The following CMA1 variants were observed in gnomAD, a reference collection of about 807,000 sequenced individuals.
CMA1 encodes the protein chymase.
A neutral mutation model predicts 18.8 loss-of-function variants in CMA1; 24 were observed. The observed-to-expected ratio is 1.28, with a 90% CI of 0.92 to 1.80. CMA1 has a LOEUF of 1.80. Among genes scored for constraint, CMA1 ranks in the 40% most tolerant of loss-of-function variants. CMA1 has a pLI of 0.00. For synonymous variants in CMA1, 152 were observed against 117.0 expected (o/e 1.30, Z -1.93); for missense variants, 421 against 302.8 (o/e 1.39, Z -2.90).
At chr14:24,508,019 TG>T (rs2043873653) in intron 1 of CMA1, 158 bp downstream of exon 1, 2 of 446,116 alleles carry the variant, frequency 4.5e-6, no homozygotes, top group Non-Finnish European at 7.6e-6. Flanking sequence ...TGGGTGGGGG[TG>T]GGGGTGGGGT....
chr14:24,507,330 G>A, intron 2 of CMA1, 26 bp downstream of exon 2: 1 of 1,613,910 alleles, frequency 6.2e-7, no homozygotes, highest in Non-Finnish European at 8.5e-7. Context: ...CTCCCATTTG[G>A]AGATAAATAG....
chr14:24,506,645 G>A, intron 2 of CMA1, 41 bp from the exon 3 acceptor site: 3 of 1,608,006 alleles, frequency 1.9e-6, no homozygotes, highest in Non-Finnish European at 2.5e-6. Context: ...CGACAGTGAT[G>A]GCTTGGGGTT....
At position 24,507,625 on chromosome 14, in the gene CMA1, C is replaced by T. The variant is rs2043869807; in HGVS notation, c.59-119G>A. ...AATCTCATTCTCACCCTGTGTTCCGCCCATCTTCCCTCTCCTGTCTCCTGT... is the reference window on the plus strand; with the variant it reads ...AATCTCATTCTCACCCTGTGTTCCGTCCATCTTCCCTCTCCTGTCTCCTGT... On this transcript the variant is annotated intron_variant, in intron 1 of 4. Transcript: ENST00000250378. The T allele has an allele frequency of 2.0e-5, 23 of 1,170,974 alleles. 1 individual carries two copies. The South Asian group carries it at 2.6e-4, about 13-fold the overall frequency. 72.5% of individuals were successfully genotyped at this position (1,170,974 alleles called of 1,614,324 possible). A position where few individuals can be genotyped will look rare whatever the true frequency, so the allele number is the denominator to read the frequency against.
At position 24,506,091 on chromosome 14, in the gene CMA1, T is replaced by A; in HGVS notation, c.537A>T (p.Arg179Ser). The change falls in exon 4 of 5, where the codon AGA (arginine) becomes AGT (serine). Residue 179 changes from arginine (R) to serine (S), a missense_variant. By Grantham distance (110) the Arg-to-Ser change is moderately radical. Transcript: ENST00000250378. ...LMDPQACSHF[R>S]DFDHNLQLCV... ...ACAGCTGAAGATTGTGGTCAAAGTC[T>A]CTGAAGTGGCTGCAGGCCTGGGGAT... 6.2e-7 allele frequency: 1 copy of A among 1,614,212 alleles called. No individual in the cohort carries two copies. Among genetic ancestry groups the A allele is most frequent in the Non-Finnish European group, 8.5e-7 (1 of 1,180,032 alleles).
At chr14:24,507,603 C>T in intron 1 of CMA1, 97 bp from the exon 2 acceptor site, 1 of 1,396,488 alleles carries the variant, frequency 7.2e-7, no homozygotes, top group Non-Finnish European at 9.8e-7. Flanking sequence ...TCCCTGGAAT[C>T]TCATTCTCAC....
At chr14:24,508,142 A>AC (rs2043874702) in intron 1 of CMA1, 36 bp downstream of exon 1, 2 of 1,583,896 alleles carry the variant, frequency 1.3e-6, no homozygotes. Flanking sequence ...AGGAGCTGAT[A>AC]CTGCAGATTT....
In CMA1 at chr14:24,505,655, T is replaced by C. The variant is rs2043846847; in HGVS notation, c.605A>G (p.Asp202Gly). 1 of 1,608,404 alleles carries C rather than the reference T, an allele frequency of 6.2e-7. No individual in the cohort carries two copies. Among genetic ancestry groups the C allele is most frequent in the Non-Finnish European group, 8.5e-7 (1 of 1,177,604 alleles). Reference protein sequence around the residue: ...PRKTKSAFKGDSGGPLLCAGV... With the variant: ...PRKTKSAFKGGSGGPLLCAGV... ...AGCACACAGAAGAGGGCCCCCAGAG[T>C]CTCCCTGTAGGGGGAGGAGAGAGAG... Residue 202 changes from aspartate to glycine, a missense_variant, in exon 5 of 5, where the codon GAC becomes GGC. Coordinates refer to ENST00000250378, the MANE Select transcript of CMA1 (RefSeq NM_001836.5).
intron 2 of CMA1, 30 bp from the exon 3 acceptor site, chr14:24,506,634 G>A (rs760008419): frequency 1.9e-6 from 3 of 1,611,294 alleles, no homozygotes; most frequent in Non-Finnish European, 2.5e-6. Flanking sequence ...AGGAAAAGGA[G>A]CGACAGTGAT....
intron 1 of CMA1, among the ~76,000 whole-genome samples, chr14:24,507,823 C>T (rs2043871577): frequency 6.6e-6 from 1 of 152,220 alleles, no homozygotes; most frequent in South Asian, 2.1e-4. Flanking sequence ...TTCTCCATAG[C>T]TCTTGAGCAT....
rs569471689 is a variant in CMA1, at chr14:24,507,037, A to T, written c.209+319T>A. On this transcript the variant is annotated intron_variant, in intron 2 of 4. Coordinates refer to ENST00000250378, the MANE Select transcript of CMA1 (RefSeq NM_001836.5). ...GCCAGTGTTCTTGAAAAGGCCATAG[A>T]GGAAGTGGCCCTGAGACTGGGTGGG... Among the ~76,000 whole-genome samples, 11 of 152,204 alleles carry T rather than the reference A, an allele frequency of 7.2e-5. No homozygotes were observed. In the South Asian group the frequency reaches 2.3e-3, roughly 32 times the overall value.
intron 2 of CMA1, 91 bp downstream of exon 2, chr14:24,507,265 C>A (rs1201874888): frequency 4.8e-6 from 7 of 1,472,150 alleles, no homozygotes; most frequent in Non-Finnish European, 6.6e-6. Flanking sequence ...GACCCAGGAC[C>A]CCCTCTTCAG....
Position 24,506,019 on chromosome 14 carries a change from G to A in CMA1, c.600+9C>T, listed in dbSNP as rs761661153. 3.1e-6 allele frequency: 5 copies of A among 1,613,392 alleles called. No homozygotes were observed. Among genetic ancestry groups the A allele is most frequent in the Non-Finnish European group, 3.4e-6 (4 of 1,179,526 alleles). On this transcript the variant is annotated intron_variant, in intron 4 of 4. Transcript: ENST00000250378. ...GAGTTTTGGAGAGGAAACCTAGTTG[G>A]AGGATCACCTTAAATGCAGATTTTG... is the stretch of plus-strand genomic sequence containing the variant.
intron 2 of CMA1, among the ~76,000 whole-genome samples, chr14:24,506,892 C>T (rs181511997): frequency 1.1e-3 from 174 of 152,280 alleles, no homozygotes; most frequent in African/African-American, 4.1e-3. Context: ...TCAGGGAACC[C>T]TGCATGAGGG....
At chr14:24,506,826 G>A (rs1463819209) in intron 2 of CMA1, among the ~76,000 whole-genome samples, 1 of 152,184 alleles carries the variant, frequency 6.6e-6, no homozygotes. Context: ...CCCTGGAATT[G>A]CTGGGGACTG....
chr14:24,506,070 C>T lies in CMA1; in HGVS notation c.558G>A (p.Gln186=), dbSNP rs567503555. 1 of 1,614,110 alleles carries T rather than the reference C, an allele frequency of 6.2e-7. No homozygotes were observed. Among genetic ancestry groups the T allele is most frequent in the Non-Finnish European group, 8.5e-7 (1 of 1,180,042 alleles). ...TCTTCCTGGGATTGCCCACACACAG[C>T]TGAAGATTGTGGTCAAAGTCTCTGA... ...SHFRDFDHNL[Q]LCVGNPRKTK... The change falls in exon 4 of 5, where the codon CAG becomes CAA. Residue 186 remains glutamine (Q), a synonymous_variant. Transcript: ENST00000250378.
Position 24,507,422 on chromosome 14 carries a change from G to T in CMA1, c.143C>A (p.Ser48Ter), listed in dbSNP as rs142904150. 1.9e-5 allele frequency: 30 copies of T among 1,614,070 alleles called. No individual in the cohort carries two copies. The African/African-American group carries it at 3.9e-4, about 21-fold the overall frequency. The change falls in exon 2 of 5, where the codon TCA becomes TAA. Residue 48 changes from serine (S) to a stop codon, truncating the protein, a stop_gained. Transcript: ENST00000250378. LOFTEE classifies it high-confidence loss of function. ...YLEIVTSNGP[S>*]KFCGGFLIRR... is the part of the protein sequence containing the mutation. ...TATAAGGAAACCACCACAAAATTTT[G>T]AGGGACCGTTGGAAGTTACAATTTC...
chr14:24,506,160 C>T lies in CMA1; in HGVS notation c.468G>A (p.Lys156=), dbSNP rs143901910. Residue 156 remains lysine (K), a synonymous_variant, in exon 4 of 5, where the codon AAG becomes AAA. Transcript: ENST00000250378. ...CCTCTTGCAGAGTGTCTGAGCCCGG[C>T]TTCAACACACCTGTTCTTCCCCAGC... ...VAGWGRTGVL[K]PGSDTLQEVK... 1.6e-5 allele frequency: 26 copies of T among 1,614,080 alleles called. No homozygotes were observed. The highest frequency in any genetic ancestry group is 1.6e-4 in the Middle Eastern group (1 of 6,084).
intron 2 of CMA1, 72 bp downstream of exon 2, chr14:24,507,284 G>C: frequency 6.4e-7 from 1 of 1,564,950 alleles, no homozygotes; most frequent in Non-Finnish European, 8.8e-7. Context: ...AGTCCCCAGT[G>C]CAGGTGTATT....
intron 4 of CMA1, 127 bp from the exon 5 acceptor site, chr14:24,505,786 C>T: frequency 8.0e-7 from 1 of 1,253,974 alleles, no homozygotes; most frequent in Admixed American, 2.5e-5. Flanking sequence ...ACTTATACAT[C>T]TAGTTCTGAT....
Sources: allele counts gnomAD v4.1 joint callset (sites outside exome capture counted in the v4.1 genomes callset), GRCh38; gene constraint gnomAD v4.1.1; transcripts MANE v1.5; gene names NCBI Gene and HGNC (gene_info 2026-07-23, HGNC 2026-07-21).